The following RHOJ variants were observed in gnomAD, a reference collection of about 807,000 sequenced individuals.
The protein encoded by RHOJ is rho-related GTP-binding protein RhoJ.
A neutral mutation model predicts 23.4 loss-of-function variants in RHOJ; 11 were observed. The observed-to-expected ratio is 0.47, with a 90% CI of 0.30 to 0.78. The LOEUF (loss-of-function observed/expected upper bound fraction) is 0.78. Ranked by LOEUF, RHOJ falls within the 30% of genes least tolerant of loss-of-function variation. The probability of loss-of-function intolerance (pLI) is 0.08; values close to 1 mark genes in which losing one functional copy is unlikely to be tolerated. For synonymous variants in RHOJ, 102 were observed against 102.7 expected, an observed-to-expected ratio of 0.99 and a Z score of 0.04; for missense variants, 254 against 273.4, an observed-to-expected ratio of 0.93 and a Z score of 0.50.
At chr14:63,269,210 A>G in intron 2 of RHOJ, 42 bp downstream of exon 2, 1 of 1,454,794 alleles carries the variant, frequency 6.9e-7, no homozygotes, top group Non-Finnish European at 9.7e-7. Flanking sequence ...GCGGTGGTGT[A>G]GGGGAGAAAA....
At chr14:63,288,793 A>G (rs1882162381) in intron 4 of RHOJ, among the ~76,000 whole-genome samples, 1 of 152,242 alleles carries the variant, frequency 6.6e-6, no homozygotes. Flanking sequence ...TGAAAAATGC[A>G]TAATCTCTGT....
At chr14:63,271,387 G>A (rs942795960) in intron 2 of RHOJ, among the ~76,000 whole-genome samples, 2 of 152,164 alleles carry the variant, frequency 1.3e-5, no homozygotes, top group African/African-American at 4.8e-5. Flanking sequence ...AGACCTTTCA[G>A]CTGTAAAAGC....
intron 1 of RHOJ, among the ~76,000 whole-genome samples, chr14:63,243,723 TA>T (rs1894926102): frequency 6.6e-6 from 1 of 152,156 alleles, no homozygotes; most frequent in Non-Finnish European, 1.5e-5. Flanking sequence ...AAGGACATCC[TA>T]AAAAGCATTG....
chr14:63,218,921 ACT>A (rs1894423570), intron 1 of RHOJ, among the ~76,000 whole-genome samples: 1 of 152,172 alleles, frequency 6.6e-6, no homozygotes, highest in South Asian at 2.1e-4. Flanking sequence ...AATTTCCAAG[ACT>A]CTAACTGATG....
At chr14:63,274,871 T>G (rs928856725) in intron 2 of RHOJ, among the ~76,000 whole-genome samples, 11 of 152,106 alleles carry the variant, frequency 7.2e-5, no homozygotes, top group African/African-American at 2.7e-4. Flanking sequence ...TAAGCCTGAT[T>G]TATGGGTGAA....
chr14:63,212,641 T>C (rs1049639714), intron 1 of RHOJ, among the ~76,000 whole-genome samples: 1 of 152,156 alleles, frequency 6.6e-6, no homozygotes, highest in Non-Finnish European at 1.5e-5. Context: ...GGGAGACACA[T>C]TGCAATAATA....
At chr14:63,284,395 TTAA>T in intron 4 of RHOJ, 1 of 969,998 alleles carries the variant, frequency 1.0e-6, no homozygotes, top group Non-Finnish European at 1.2e-6. Context: ...TCCTAAGTAC[TTAA>T]TAATATCTCT....
chr14:63,288,288 G>C (rs1252365243), intron 4 of RHOJ: 1 of 985,328 alleles, frequency 1.0e-6, no homozygotes, highest in South Asian at 4.7e-5. Flanking sequence ...GGAGGATGGG[G>C]AGTGCCCTGC....
At chr14:63,230,865 G>C (rs1894681354) in intron 1 of RHOJ, among the ~76,000 whole-genome samples, 1 of 81,958 alleles carries the variant, frequency 1.2e-5, no homozygotes, top group Non-Finnish European at 2.1e-5. Context: ...TTTTTAGATG[G>C]AGTCTCACTC....
At chr14:63,240,868 A>G (rs1048328105) in intron 1 of RHOJ, among the ~76,000 whole-genome samples, 1 of 152,172 alleles carries the variant, frequency 6.6e-6, no homozygotes, top group Non-Finnish European at 1.5e-5. Flanking sequence ...ATTCCACTGT[A>G]TTGCTTTTCC....
intron 1 of RHOJ, among the ~76,000 whole-genome samples, chr14:63,210,448 C>T (rs969881975): frequency 3.9e-5 from 6 of 152,268 alleles, no homozygotes; most frequent in East Asian, 3.9e-4. Flanking sequence ...ACCCTAAGTT[C>T]GGCTGACGGC....
intron 1 of RHOJ, among the ~76,000 whole-genome samples, chr14:63,235,585 GA>G (rs1422829640): frequency 1.3e-5 from 2 of 152,156 alleles, no homozygotes; most frequent in Non-Finnish European, 2.9e-5. Flanking sequence ...TAACACTGCT[GA>G]ATGTAGATGG....
At chr14:63,248,869 T>C (rs1486312116) in intron 1 of RHOJ, among the ~76,000 whole-genome samples, 1 of 152,226 alleles carries the variant, frequency 6.6e-6, no homozygotes, top group African/African-American at 2.4e-5. Flanking sequence ...CAGCAGCTCC[T>C]GGAGCTGCCT....
intron 1 of RHOJ, among the ~76,000 whole-genome samples, chr14:63,208,110 T>C (rs144305829): frequency 7.9e-4 from 121 of 152,316 alleles, no homozygotes; most frequent in African/African-American, 2.8e-3. Context: ...GAGGTAATAG[T>C]AATAGGATAT....
intron 1 of RHOJ, among the ~76,000 whole-genome samples, chr14:63,257,585 T>C (rs1027494667): frequency 2.0e-5 from 3 of 149,594 alleles, no homozygotes; most frequent in Non-Finnish European, 4.5e-5. Context: ...TCTCAGGAGG[T>C]GCTTTCAAAG....
chr14:63,223,955 A>G (rs1894545372), intron 1 of RHOJ, among the ~76,000 whole-genome samples: 1 of 152,154 alleles, frequency 6.6e-6, no homozygotes, highest in Non-Finnish European at 1.5e-5. Flanking sequence ...TCTCTCCAAT[A>G]TTTAATTTTA....
chr14:63,233,940 C>T (rs141557074), intron 1 of RHOJ, among the ~76,000 whole-genome samples: 17 of 152,332 alleles, frequency 1.1e-4, no homozygotes, highest in Non-Finnish European at 2.2e-4. Context: ...CCTTCATTTT[C>T]TGTGCTCTGA....
chr14:63,244,696 A>AT (rs1894945100), intron 1 of RHOJ, among the ~76,000 whole-genome samples: 2 of 152,382 alleles, frequency 1.3e-5, no homozygotes, highest in South Asian at 4.1e-4. Flanking sequence ...ATTTAGACAC[A>AT]TTATCTCTAA....
rs376253205 is a variant in RHOJ at position 63,245,545 on chromosome 14, C to G, written c.179-23565C>G. 2.0e-5 allele frequency among the ~76,000 whole-genome samples: 3 copies of G among 152,072 alleles called. No homozygotes were observed. The East Asian group carries it at 5.8e-4, about 29-fold the overall frequency. On this transcript the variant is annotated intron_variant, in intron 1 of 4. Coordinates refer to ENST00000316754, the MANE Select transcript of RHOJ (RefSeq NM_020663.5). ...TGATACATGACTGTAATCCTAGCTA[C>G]CTGGCAGGGGGCTGAGGAGGGAGGA...
Sources: allele counts gnomAD v4.1 joint callset (sites outside exome capture counted in the v4.1 genomes callset), GRCh38; gene constraint gnomAD v4.1.1; transcripts MANE v1.5; gene names NCBI Gene and HGNC (gene_info 2026-07-23, HGNC 2026-07-21).